TPM4: variants seen among roughly 807,000 people sequenced by gnomAD.
The protein encoded by TPM4 is tropomyosin 4.
TPM4 carries 17 observed loss-of-function variants against 35.8 expected under a neutral mutation model. The ratio of observed to expected loss-of-function variants is 0.47; its 90% CI spans 0.32 to 0.71. The LOEUF (loss-of-function observed/expected upper bound fraction) is 0.71. TPM4 is among the 30% of genes least tolerant of loss of function. The pLI is 0.03. For synonymous variants in TPM4, 120 were observed against 122.9 expected (o/e 0.98, Z 0.15); for missense variants, 240 against 320.9 (o/e 0.75, Z 1.93).
chr19:16,090,093 AGT>A (rs1450135186), intron 5 of TPM4, among the ~76,000 whole-genome samples: 2 of 151,768 alleles, frequency 1.3e-5, no homozygotes, highest in Non-Finnish European at 2.9e-5. Flanking sequence ...GCCCTCCCAA[AGT>A]GCTGGGATTA....
intron 7 of TPM4, 180 bp from the exon 8 acceptor site, chr19:16,101,084 T>G (rs942991184): frequency 4.5e-6 from 2 of 442,328 alleles, no homozygotes; most frequent in Non-Finnish European, 8.3e-6. Flanking sequence ...GGCAGGAGAA[T>G]TGCTTGAGCC....
At chr19:16,092,177 G>GAA (rs77856675) in intron 5 of TPM4, among the ~76,000 whole-genome samples, 1 of 138,646 alleles carries the variant, frequency 7.2e-6, no homozygotes, top group East Asian at 2.0e-4. Flanking sequence ...GATTCTGTCT[G>GAA]AAAAAAAAAA....
chr19:16,070,880 C>T lies in TPM4; in HGVS notation c.114+3142C>T, dbSNP rs1167347488. 6.6e-6 allele frequency among the ~76,000 whole-genome samples: 1 copy of T among 152,222 alleles called. No homozygotes were observed. Among genetic ancestry groups the T allele is most frequent in the East Asian group, 1.9e-4 (1 of 5,200 alleles). On this transcript the variant is annotated intron_variant, in intron 2 of 2. Coordinates refer to the TPM4 transcript ENST00000589897. The surrounding 1 kb of genome is among the most constrained non-coding windows in gnomAD (Gnocchi z 7.4). Reference sequence around the variant, plus strand: ...CCCCTCCCTGGCAAACACAGACATTCATCCTGTGCTGGGCCAGCTTCTAGC... The same window carrying T: ...CCCCTCCCTGGCAAACACAGACATTTATCCTGTGCTGGGCCAGCTTCTAGC...
At chr19:16,088,300 G>A (rs905918941) in intron 4 of TPM4, 14 of 1,398,454 alleles carry the variant, frequency 1.0e-5, no homozygotes, top group East Asian at 2.7e-5. Context: ...CACTGCCCAC[G>A]TGTTGACCCT....
At chr19:16,088,248 T>G in intron 4 of TPM4, 151 bp downstream of exon 4, 1 of 1,419,844 alleles carries the variant, frequency 7.0e-7, no homozygotes, top group Non-Finnish European at 9.5e-7. Context: ...TCTTGGCTTC[T>G]GTGACAAAGA....
At position 16,095,483 on chromosome 19, in the gene TPM4, C is replaced by G. The variant is rs542930482; in HGVS notation, c.664+1730C>G. 7 of 1,022,258 alleles carry G rather than the reference C, an allele frequency of 6.8e-6. No homozygotes were observed. In the South Asian group the frequency reaches 2.3e-4, roughly 34 times the overall value. The allele number at this position is 1,022,258 out of a possible 1,614,324, so 63.3% of individuals were successfully genotyped here. A position where few individuals can be genotyped will look rare whatever the true frequency, so the allele number is the denominator to read the frequency against. Reference sequence around the variant, plus strand: ...TCTGATGTGTCTGTGACTCTACAACCGAAATAAAGACGGGCAGTCCTCCTC... The same window carrying G: ...TCTGATGTGTCTGTGACTCTACAACGGAAATAAAGACGGGCAGTCCTCCTC... On this transcript the variant is annotated intron_variant, in intron 7 of 7. Coordinates refer to ENST00000643579, the MANE Select transcript of TPM4 (RefSeq NM_003290.3).
upstream of TPM4, chr19:16,076,300 C>T: frequency 6.6e-7 from 1 of 1,511,964 alleles, no homozygotes; most frequent in Non-Finnish European, 8.8e-7. Flanking sequence ...AGCGCTTTCT[C>T]CAAATAAGTC....
intron 2 of TPM4, among the ~76,000 whole-genome samples, chr19:16,084,129 G>A (rs146616133): frequency 3.9e-5 from 6 of 152,288 alleles, no homozygotes; most frequent in Admixed American, 6.5e-5. Flanking sequence ...GGGTTTCACC[G>A]TGTTAGCCAC....
chr19:16,093,850 G>A, intron 7 of TPM4, 97 bp downstream of exon 7: 1 of 1,394,658 alleles, frequency 7.2e-7, no homozygotes, highest in Non-Finnish European at 1.0e-6. Flanking sequence ...GGCTGGGTTG[G>A]GCTTTGTTTG....
At chr19:16,076,288 C>T (rs929180614), upstream of TPM4, 1 of 1,519,716 alleles carries the variant, frequency 6.6e-7, no homozygotes, top group Non-Finnish European at 8.8e-7. Flanking sequence ...GCGGCGCCTC[C>T]CAGCGCTTTC....
chr19:16,082,113 C>T, intron 2 of TPM4, 67 bp downstream of exon 2: 1 of 1,535,740 alleles, frequency 6.5e-7, no homozygotes, highest in Middle Eastern at 1.7e-4. Context: ...TGCTGCCGAC[C>T]TCGCAGAGCT....
intron 7 of TPM4, among the ~76,000 whole-genome samples, chr19:16,097,429 C>G (rs1422141538): frequency 1.3e-5 from 2 of 152,028 alleles, no homozygotes; most frequent in African/African-American, 4.8e-5. Flanking sequence ...CATGCGCCAC[C>G]ATGCCTGGCT....
chr19:16,084,101 G>T (rs1476502580), intron 2 of TPM4, among the ~76,000 whole-genome samples: 1 of 152,076 alleles, frequency 6.6e-6, no homozygotes, highest in Non-Finnish European at 1.5e-5. Context: ...TAATTTTTTT[G>T]TATTTTTAGT....
intron 4 of TPM4, 68 bp from the exon 5 acceptor site, chr19:16,088,977 T>A (rs770425792): frequency 3.1e-6 from 5 of 1,606,410 alleles, no homozygotes; most frequent in Non-Finnish European, 4.3e-6. Flanking sequence ...AATTTATTGT[T>A]GGGGCGATTG....
intron 2 of TPM4, among the ~76,000 whole-genome samples, chr19:16,085,984 G>T (rs2090545837): frequency 6.7e-6 from 1 of 150,234 alleles, no homozygotes; most frequent in African/African-American, 2.5e-5. Flanking sequence ...CAGGAGAATT[G>T]CTTGAACCCA....
intron 1 of TPM4, among the ~76,000 whole-genome samples, chr19:16,078,450 TG>T (rs2090439822): frequency 6.6e-6 from 1 of 152,156 alleles, no homozygotes; most frequent in Non-Finnish European, 1.5e-5. Flanking sequence ...AGAGCCCAGA[TG>T]GGGGCTGCAG....
At chr19:16,081,808 C>G in intron 1 of TPM4, 105 bp from the exon 2 acceptor site, 1 of 1,393,298 alleles carries the variant, frequency 7.2e-7, no homozygotes, top group Non-Finnish European at 9.5e-7. Context: ...CCTGGGTGGG[C>G]TTTGACGGGG....
At chr19:16,083,709 GC>G (rs1289726708) in intron 2 of TPM4, among the ~76,000 whole-genome samples, 1 of 147,250 alleles carries the variant, frequency 6.8e-6, no homozygotes, top group Non-Finnish European at 1.5e-5. Context: ...TCTCACTTGA[GC>G]CAGCCACCAT....
rs1356678511 is a variant in TPM4 at position 16,082,033 on chromosome 19, G to C, written c.253G>C (p.Asp85His). ...GCTGGAGGAGGCAGAAAAAGCTGCAGATGAGAGTGAGAGGTAAGGACGCTT... is the reference window on the plus strand; with the variant it reads ...GCTGGAGGAGGCAGAAAAAGCTGCACATGAGAGTGAGAGGTAAGGACGCTT... ...QKLEEAEKAA[D>H]ESERGMKVIE... The change falls in exon 2 of 8, where the codon GAT becomes CAT. Residue 85 changes from aspartate (D) to histidine (H), a missense_variant. Coordinates refer to ENST00000643579, the MANE Select transcript of TPM4 (RefSeq NM_003290.3). The C allele has an allele frequency of 6.2e-7, 1 of 1,609,148 alleles. No individual in the cohort carries two copies. The highest frequency in any genetic ancestry group is 8.5e-7 in the Non-Finnish European group (1 of 1,175,962).
Sources: gnomAD v4.1 joint callset for allele counts (sites outside exome capture counted in the v4.1 genomes callset) on GRCh38, gnomAD v4.1.1 for gene constraint, Gnocchi (gnomAD v3.1) non-coding constraint, MANE v1.5 for transcripts, NCBI Gene and HGNC (gene_info 2026-07-23, HGNC 2026-07-21) for gene names.